Variants in LATS2 observed in about 807,000 individuals in gnomAD.
LATS2 encodes large tumor suppressor kinase 2, also known as serine/threonine-protein kinase LATS2.
Under a neutral mutation model 76.0 loss-of-function variants are expected in LATS2, and 24 were observed. The ratio of observed to expected loss-of-function variants is 0.32; its 90% CI spans 0.23 to 0.44. The LOEUF is 0.44. LATS2 is among the 20% of genes least tolerant of loss of function. The pLI is 1.00. For synonymous variants in LATS2, 692 were observed against 635.4 expected (o/e 1.09, Z -1.34); for missense variants, 1,286 against 1,481.2 (o/e 0.87, Z 2.16).
intron 2 of LATS2, among the ~76,000 whole-genome samples, chr13:21,029,601 G>A (rs948738819): frequency 1.3e-5 from 2 of 152,010 alleles, no homozygotes; most frequent in African/African-American, 4.8e-5. Flanking sequence ...GACCAGCCTG[G>A]CCAATATGGT....
At chr13:21,056,148 G>C (rs919099830) in intron 1 of LATS2, among the ~76,000 whole-genome samples, 1 of 151,806 alleles carries the variant, frequency 6.6e-6, no homozygotes, top group Non-Finnish European at 1.5e-5. Context: ...TTTTTTTTTG[G>C]TGGGGGGGGC....
chr13:20,992,127 G>A (rs1347161751), intron 2 of LATS2, among the ~76,000 whole-genome samples: 1 of 152,232 alleles, frequency 6.6e-6, no homozygotes, highest in Non-Finnish European at 1.5e-5. Context: ...GTGGTGGCAT[G>A]GCTAGCTGTT....
chr13:21,040,182 T>C (rs188520682), intron 2 of LATS2, among the ~76,000 whole-genome samples: 42 of 150,398 alleles, frequency 2.8e-4, no homozygotes, highest in African/African-American at 1.0e-3. Flanking sequence ...AGACTAGGAG[T>C]TCAAGACCAC....
intron 5 of LATS2, among the ~76,000 whole-genome samples, chr13:20,981,877 C>T (rs1421368145): frequency 6.6e-6 from 1 of 152,094 alleles, no homozygotes; most frequent in Non-Finnish European, 1.5e-5. Context: ...GTAGAAATGA[C>T]GGTGAAGAAT....
Position 20,983,389 on chromosome 13 carries a change from C to T in LATS2, c.2317G>A (p.Ala773Thr), listed in dbSNP as rs775075244. Residue 773 changes from alanine (A) to threonine (T), a missense_variant, in exon 5 of 8, where the codon GCA (alanine) becomes ACA (threonine). By Grantham distance (58) the Ala-to-Thr change is moderately conservative. Coordinates refer to ENST00000382592, the MANE Select transcript of LATS2 (RefSeq NM_014572.3). ...FPEHLARFYI[A>T]ELTLAIESVH... is the part of the protein sequence containing the mutation. ...CTCTCAATGGCCAAAGTCAGCTCTG[C>T]GATGTAGAACCGGGCCAGGTGCTCA... 97 of 1,613,886 alleles carry T rather than the reference C, an allele frequency of 6.0e-5. No individual in the cohort carries two copies. The highest frequency in any genetic ancestry group is 7.5e-5 in the Non-Finnish European group (89 of 1,180,032).
Position 20,988,830 on chromosome 13 carries a change from T to A in LATS2, c.950A>T (p.His317Leu), listed in dbSNP as rs765142695. ...GGCCGCGGGACCGGCCTGCTTGTGG[T>A]GTGGGTGCGGCACGTAGAGCCCGGC... ...PAAGLYVPHP[H>L]HKQAGPAAHQ... is the part of the protein sequence containing the mutation. The change falls in exon 4 of 8, where the codon CAC (histidine) becomes CTC (leucine). Residue 317 changes from histidine to leucine, a missense_variant. Physicochemically the swap from His to Leu is moderately conservative, Grantham distance 99 (BLOSUM62 -3). Around this residue, in one of 5 missense-constraint regions of LATS2, gnomAD observed 710 missense variants for 660.9 expected, o/e 1.07. Coordinates refer to ENST00000382592, the MANE Select transcript of LATS2 (RefSeq NM_014572.3). The A allele has an allele frequency of 3.1e-6, 5 of 1,596,768 alleles. No individual in the cohort carries two copies. In the African/African-American group the frequency reaches 6.7e-5, roughly 21 times the overall value.
chr13:20,986,718 G>A (rs868291761), intron 4 of LATS2, among the ~76,000 whole-genome samples: 23 of 152,276 alleles, frequency 1.5e-4, no homozygotes, highest in African/African-American at 5.5e-4. Flanking sequence ...ACTATGGTTA[G>A]TAAAAATGTA....
In LATS2 at chr13:20,991,446, A is replaced by T; in HGVS notation, c.343-42T>A. The T allele has an allele frequency of 6.2e-7, 1 of 1,612,540 alleles. No individual in the cohort carries two copies. The highest frequency in any genetic ancestry group is 8.5e-7 in the Non-Finnish European group (1 of 1,179,302). ...GGAGAGGTAAGTGCATGTCATCCTA[A>T]AACAAAGCCACCAAAGACTCCCATC... is the stretch of plus-strand genomic sequence containing the variant. On this transcript the variant is annotated intron_variant, in intron 2 of 7. Coordinates refer to ENST00000382592, the MANE Select transcript of LATS2 (RefSeq NM_014572.3). This position sits in a 1 kb window ranked among gnomAD's most constrained non-coding sequence, Gnocchi z 4.9.
chr13:20,992,484 C>T (rs937078777), intron 2 of LATS2, among the ~76,000 whole-genome samples: 5 of 152,170 alleles, frequency 3.3e-5, no homozygotes, highest in East Asian at 1.9e-4. Context: ...CTGATGAAGG[C>T]GCCCCCTTCA....
At chr13:21,059,441 C>CA (rs1268679846) in intron 1 of LATS2, among the ~76,000 whole-genome samples, 1 of 151,634 alleles carries the variant, frequency 6.6e-6, no homozygotes, top group Non-Finnish European at 1.5e-5. Context: ...ACTAAAAATA[C>CA]AAAAAATTAG....
chr13:20,992,366 G>C (rs1244738388), intron 2 of LATS2, among the ~76,000 whole-genome samples: 1 of 152,220 alleles, frequency 6.6e-6, no homozygotes, highest in African/African-American at 2.4e-5. Context: ...CAGCAGGTCA[G>C]GCTGGGGGCG....
chr13:20,978,655 G>C (rs1869735622), intron 7 of LATS2, among the ~76,000 whole-genome samples: 2 of 152,128 alleles, frequency 1.3e-5, no homozygotes, highest in Admixed American at 1.3e-4. Context: ...AGACAGCAAG[G>C]CCAATGCCTC....
At chr13:21,022,867 A>G (rs558220608) in intron 2 of LATS2, among the ~76,000 whole-genome samples, 1 of 152,376 alleles carries the variant, frequency 6.6e-6, no homozygotes, top group African/African-American at 2.4e-5. Context: ...TTCCTGCTTT[A>G]AAGGAAATAA....
chr13:21,052,025 C>A (rs1274934013), intron 1 of LATS2, among the ~76,000 whole-genome samples: 2 of 152,010 alleles, frequency 1.3e-5, no homozygotes, highest in Admixed American at 1.3e-4. Context: ...AGGTGGGAGG[C>A]CTGGGTCCTT....
intron 5 of LATS2, among the ~76,000 whole-genome samples, chr13:20,982,992 C>CAAAAAA (rs67372854): frequency 2.3e-5 from 2 of 87,206 alleles, no homozygotes; most frequent in Admixed American, 2.8e-4. Context: ...AACTCTGTCT[C>CAAAAAA]AAAAAAAAAA....
Position 20,974,055 on chromosome 13 carries a change from C to T in LATS2, c.*815G>A, listed in dbSNP as rs534437729. ...ACACATCTGCATTTCTTTAACAAAA[C>T]AGTAAGAGATACAATCATAGCGAAG... On this transcript the variant is annotated 3_prime_UTR_variant, in exon 8 of 8. Coordinates refer to ENST00000382592, the MANE Select transcript of LATS2 (RefSeq NM_014572.3). The T allele has an allele frequency of 4.6e-6, 1 of 219,302 alleles. No homozygotes were observed. Among genetic ancestry groups the T allele is most frequent in the African/African-American group, 2.3e-5 (1 of 42,932 alleles). 13.6% of individuals were successfully genotyped at this position (219,302 alleles called of 1,614,324 possible).
Position 20,991,547 on chromosome 13 carries a change from C to T in LATS2, c.343-143G>A, listed in dbSNP as rs1565946708. 5.3e-6 allele frequency: 5 copies of T among 940,490 alleles called. No individual in the cohort carries two copies. The highest frequency in any genetic ancestry group is 6.3e-6 in the Non-Finnish European group (4 of 631,816). 58.3% of individuals were successfully genotyped at this position (940,490 alleles called of 1,614,324 possible). A position where few individuals can be genotyped will look rare whatever the true frequency, so the allele number is the denominator to read the frequency against. ...AACCTGCGATATGCTGCAGGAGACC[C>T]TCAGAATGAGTGCAGGTGGCTGTGT... On this transcript the variant is annotated intron_variant, in intron 2 of 7. Transcript: ENST00000382592. The surrounding 1 kb of genome is among the most constrained non-coding windows in gnomAD (Gnocchi z 4.9).
chr13:21,036,293 A>G (rs985638274), intron 2 of LATS2, among the ~76,000 whole-genome samples: 5 of 151,910 alleles, frequency 3.3e-5, no homozygotes, highest in African/African-American at 1.2e-4. Context: ...CAACCTCCCA[A>G]AGGGCTGGGA....
chr13:21,024,562 G>A (rs1872229133), intron 2 of LATS2, among the ~76,000 whole-genome samples: 1 of 152,012 alleles, frequency 6.6e-6, no homozygotes, highest in African/African-American at 2.4e-5. Flanking sequence ...CCCTGCGGGA[G>A]CTCTTCCTGC....
Sources: gnomAD v4.1 joint callset for allele counts (sites outside exome capture counted in the v4.1 genomes callset) on GRCh38, gnomAD v4.1.1 for gene constraint, gnomAD v4.1.1 regional missense constraint, Gnocchi (gnomAD v3.1) non-coding constraint, MANE v1.5 for transcripts, NCBI Gene and HGNC (gene_info 2026-07-23, HGNC 2026-07-21) for gene names.